MTHFD2L: variants seen among roughly 807,000 people sequenced by gnomAD.
The protein encoded by MTHFD2L is bifunctional methylenetetrahydrofolate dehydrogenase/cyclohydrolase 2, mitochondrial.
MTHFD2L carries 29 observed loss-of-function variants against 34.9 expected under a neutral mutation model. The ratio of observed to expected loss-of-function variants is 0.83; its 90% CI spans 0.62 to 1.13. The LOEUF is 1.13. MTHFD2L is among the 50% of genes most tolerant of loss of function. The probability of loss-of-function intolerance (pLI) is 0.00; values close to 1 mark genes in which losing one functional copy is unlikely to be tolerated. For synonymous variants in MTHFD2L, 167 were observed against 155.7 expected (o/e 1.07, Z -0.54); for missense variants, 481 against 446.5 (o/e 1.08, Z -0.70).
At chr4:74,132,420 G>A (rs1474647035) in intron 1 of MTHFD2L, among the ~76,000 whole-genome samples, 1 of 152,154 alleles carries the variant, frequency 6.6e-6, no homozygotes, top group African/African-American at 2.4e-5. Flanking sequence ...AAAAAAGGAT[G>A]AGTTCACATC....
intron 5 of MTHFD2L, among the ~76,000 whole-genome samples, chr4:74,223,052 C>CT (rs1258789067): frequency 6.6e-6 from 1 of 152,026 alleles, no homozygotes; most frequent in Non-Finnish European, 1.5e-5. Flanking sequence ...AAAAACAGAG[C>CT]TGCCATTCGA....
At chr4:74,209,714 A>G (rs1417586673) in intron 5 of MTHFD2L, among the ~76,000 whole-genome samples, 1 of 152,180 alleles carries the variant, frequency 6.6e-6, no homozygotes, top group Non-Finnish European at 1.5e-5. Context: ...ATACCCAGTA[A>G]TGGGATTGCT....
intron 5 of MTHFD2L, among the ~76,000 whole-genome samples, chr4:74,223,911 G>T (rs1428218539): frequency 6.6e-6 from 1 of 152,108 alleles, no homozygotes; most frequent in Non-Finnish European, 1.5e-5. Context: ...AACACCACTA[G>T]AATCAGAACA....
chr4:74,284,022 GAA>G (rs968824961), intron 7 of MTHFD2L, among the ~76,000 whole-genome samples: 98 of 152,258 alleles, frequency 6.4e-4, no homozygotes, highest in African/African-American at 2.1e-3. Flanking sequence ...GAGTATCGGT[GAA>G]AAGTTTCACT....
intron 6 of MTHFD2L, among the ~76,000 whole-genome samples, chr4:74,255,158 AAAAG>A (rs1477737453): frequency 2.0e-5 from 3 of 151,228 alleles, no homozygotes; most frequent in Non-Finnish European, 4.4e-5. Flanking sequence ...AAAAAAAAAA[AAAAG>A]AATTAGTTAA....
At chr4:74,170,290 T>G (rs1438590292) in intron 1 of MTHFD2L, among the ~76,000 whole-genome samples, 1 of 152,216 alleles carries the variant, frequency 6.6e-6, no homozygotes, top group East Asian at 1.9e-4. Flanking sequence ...CCAACTGGGA[T>G]GTATCCCAGG....
intron 5 of MTHFD2L, among the ~76,000 whole-genome samples, chr4:74,213,895 T>A (rs1438770976): frequency 6.7e-6 from 1 of 149,146 alleles, no homozygotes; most frequent in African/African-American, 2.6e-5. Flanking sequence ...TCTTGGAGGC[T>A]TTGTTCCTTC....
chr4:74,127,170 C>A (rs1316415363), intron 1 of MTHFD2L, among the ~76,000 whole-genome samples: 8 of 152,060 alleles, frequency 5.3e-5, no homozygotes, highest in African/African-American at 1.9e-4. Flanking sequence ...AGTTTGGGGG[C>A]AGTTTTTTAT....
In MTHFD2L at chr4:74,203,474, G is replaced by A. The variant is rs568372717; in HGVS notation, c.712+2104G>A. Among the ~76,000 whole-genome samples, 142 of 152,280 alleles carry A rather than the reference G, an allele frequency of 9.3e-4. 2 individuals are homozygous for A. The South Asian group carries it at 0.027, about 29-fold the overall frequency. On this transcript the variant is annotated intron_variant, in intron 5 of 7. Coordinates refer to ENST00000325278, the MANE Select transcript of MTHFD2L (RefSeq NM_001144978.3). ...AAGACTGGGTAATTTCTAAAGAAAA[G>A]AGGCTTAATTTGCTCACGGTTCTGC...
At chr4:74,260,390 C>T (rs949105155) in intron 6 of MTHFD2L, among the ~76,000 whole-genome samples, 1 of 152,248 alleles carries the variant, frequency 6.6e-6, no homozygotes, top group South Asian at 2.1e-4. Context: ...GGTCTTGTCT[C>T]TCTTGGTGCA....
At chr4:74,135,534 C>T (rs983178392) in intron 1 of MTHFD2L, among the ~76,000 whole-genome samples, 7 of 152,084 alleles carry the variant, frequency 4.6e-5, no homozygotes, top group Non-Finnish European at 7.4e-5. Context: ...AAGAAAAGCT[C>T]ACGGCCTGAT....
At chr4:74,191,693 G>A (rs1454538002) in intron 3 of MTHFD2L, among the ~76,000 whole-genome samples, 3 of 152,048 alleles carry the variant, frequency 2.0e-5, no homozygotes, top group Admixed American at 6.6e-5. Context: ...TGGGATTACA[G>A]GCACCTGCCA....
intron 3 of MTHFD2L, among the ~76,000 whole-genome samples, chr4:74,189,793 T>A (rs1480290511): frequency 1.3e-5 from 2 of 152,140 alleles, no homozygotes; most frequent in Non-Finnish European, 2.9e-5. Context: ...TATTTTTTTC[T>A]TTACCATTAT....
At chr4:74,214,280 A>G (rs1034898147) in intron 5 of MTHFD2L, among the ~76,000 whole-genome samples, 1 of 151,848 alleles carries the variant, frequency 6.6e-6, no homozygotes, top group Non-Finnish European at 1.5e-5. Flanking sequence ...CCTTTGGAGT[A>G]GAAGAGGCGT....
chr4:74,250,868 C>T (rs756114626), intron 6 of MTHFD2L, among the ~76,000 whole-genome samples: 20 of 152,170 alleles, frequency 1.3e-4, no homozygotes, highest in Non-Finnish European at 2.6e-4. Context: ...CTCCCAACTG[C>T]GCACTCCATT....
chr4:74,173,445 C>T (rs191561228), intron 1 of MTHFD2L, among the ~76,000 whole-genome samples: 5 of 152,174 alleles, frequency 3.3e-5, no homozygotes, highest in Admixed American at 2.6e-4. Context: ...ACTAAACTAT[C>T]GGTTTACTGA....
chr4:74,153,819 T>C (rs1479505983), upstream of MTHFD2L, among the ~76,000 whole-genome samples: 1 of 152,148 alleles, frequency 6.6e-6, no homozygotes, highest in Non-Finnish European at 1.5e-5. Flanking sequence ...TAGTACTGAG[T>C]TTCCCATATG....
At chr4:74,245,214 A>AAAAAAG (rs1742262548) in intron 6 of MTHFD2L, among the ~76,000 whole-genome samples, 1 of 150,712 alleles carries the variant, frequency 6.6e-6, no homozygotes. Context: ...AAAAAAAAAA[A>AAAAAAG]AAAAAGAATC....
At chr4:74,197,536 G>T (rs1045962656) in intron 3 of MTHFD2L, among the ~76,000 whole-genome samples, 3 of 152,044 alleles carry the variant, frequency 2.0e-5, no homozygotes, top group Non-Finnish European at 2.9e-5. Flanking sequence ...ATTAGGAGTT[G>T]GGAGGGAGGC....
Sources: allele counts gnomAD v4.1 joint callset (sites outside exome capture counted in the v4.1 genomes callset), GRCh38; gene constraint gnomAD v4.1.1; transcripts MANE v1.5; gene names NCBI Gene and HGNC (gene_info 2026-07-23, HGNC 2026-07-21).